Variants in AATF observed in about 807,000 individuals in gnomAD.
AATF encodes apoptosis antagonizing transcription factor.
In AATF, 48 loss-of-function variants were observed where a neutral mutation model predicts 63.7. The ratio of observed to expected loss-of-function variants is 0.75; its 90% confidence interval spans 0.60 to 0.96. AATF has a LOEUF of 0.96. AATF is among the 40% of genes least tolerant of loss of function. The pLI is 0.00. For missense variants in AATF, 639 were observed against 685.7 expected, an observed-to-expected ratio of 0.93 and a Z score of 0.76; for synonymous variants, 258 against 247.7, an observed-to-expected ratio of 1.04 and a Z score of -0.39.
intron 11 of AATF, chr17:37,052,823 A>C (rs1052714834): frequency 6.6e-6 from 1 of 152,220 alleles, no homozygotes; most frequent in South Asian, 2.1e-4. Flanking sequence ...GGGTACAGAG[A>C]TTGAGAAAGC....
intron 8 of AATF, among the ~76,000 whole-genome samples, chr17:36,994,510 A>T (rs964953212): frequency 6.6e-6 from 1 of 152,214 alleles, no homozygotes; most frequent in African/African-American, 2.4e-5. Context: ...TATGAGAGAA[A>T]CTGTTCATCT....
chr17:36,998,504 T>A (rs2071271399), intron 8 of AATF: 1 of 152,240 alleles, frequency 6.6e-6, no homozygotes, highest in African/African-American at 2.4e-5. Flanking sequence ...CAAATCTATA[T>A]CTGTTTAGGA....
Position 36,986,704 on chromosome 17 carries a change from T to G in AATF, c.920T>G (p.Val307Gly), listed in dbSNP as rs141862092. The G allele has an allele frequency of 1.1e-5, 18 of 1,614,106 alleles. No homozygotes were observed. The African/African-American group carries it at 2.0e-4, about 18-fold the overall frequency. ...CAGTACCCAGACACTAGATATCTAG[T>G]AGATGGGACAAAGCCCAATGCGGGA... ...LFQYPDTRYL[V>G]DGTKPNAGSE... is the part of the protein sequence containing the mutation. Residue 307 changes from valine to glycine, a missense_variant, in exon 5 of 12, where the codon GTA becomes GGA. Val to Gly is a moderately radical substitution (Grantham distance 109). Coordinates refer to ENST00000619387, the MANE Select transcript of AATF (RefSeq NM_012138.4).
intron 8 of AATF, among the ~76,000 whole-genome samples, chr17:36,997,757 A>C (rs564800428): frequency 6.6e-6 from 1 of 152,358 alleles, no homozygotes; most frequent in African/African-American, 2.4e-5. Context: ...TCATTATTTG[A>C]AAAAGATACT....
intron 11 of AATF, chr17:37,034,700 G>C (rs987125798): frequency 6.6e-6 from 1 of 151,940 alleles, no homozygotes; most frequent in Non-Finnish European, 1.5e-5. Flanking sequence ...AAGTTAATAG[G>C]TAAATGATGA....
rs1291013748 is a variant in AATF, at chr17:37,019,059, G to C, written c.1453G>C (p.Val485Leu). Reference protein sequence around the residue: ...KTSSLDPNDQVAMGRQWLAIQ... With the variant: ...KTSSLDPNDQLAMGRQWLAIQ... Reference sequence around the variant, plus strand: ...CAGCTCCTTGGATCCCAACGATCAGGTGGCCATGGGAAGGTAATTTAGATA... The same window carrying C: ...CAGCTCCTTGGATCCCAACGATCAGCTGGCCATGGGAAGGTAATTTAGATA... The change falls in exon 9 of 12, where the codon GTG becomes CTG. Residue 485 changes from valine to leucine, a missense_variant. Physicochemically the swap from Val to Leu is conservative, Grantham distance 32. Transcript: ENST00000619387. The C allele has an allele frequency of 6.2e-7, 1 of 1,613,974 alleles. No homozygotes were observed. The highest frequency in any genetic ancestry group is 1.3e-5 in the African/African-American group (1 of 74,926).
At chr17:36,968,212 G>A (rs1214164375) in intron 4 of AATF, among the ~76,000 whole-genome samples, 2 of 121,796 alleles carry the variant, frequency 1.6e-5, no homozygotes, top group African/African-American at 6.4e-5. Flanking sequence ...ACTTTCTATT[G>A]AGTTTTTAAA....
intron 4 of AATF, among the ~76,000 whole-genome samples, chr17:36,971,461 T>C (rs1025720342): frequency 3.9e-5 from 6 of 152,234 alleles, no homozygotes; most frequent in Admixed American, 2.6e-4. Context: ...CTTTCATACA[T>C]TGCTGATGGG....
intron 4 of AATF, among the ~76,000 whole-genome samples, chr17:36,983,155 C>T (rs1384914158): frequency 1.3e-5 from 2 of 152,092 alleles, no homozygotes; most frequent in Non-Finnish European, 1.5e-5. Context: ...GATCCTCCCA[C>T]CTCAGCCTCC....
chr17:37,028,952 AAT>A (rs146684070), intron 10 of AATF, among the ~76,000 whole-genome samples: 1 of 151,174 alleles, frequency 6.6e-6, no homozygotes, highest in Admixed American at 6.6e-5. Flanking sequence ...AAATTGTGTG[AAT>A]ATATATATAT....
intron 4 of AATF, among the ~76,000 whole-genome samples, chr17:36,983,741 A>G (rs1308003923): frequency 6.6e-6 from 1 of 152,212 alleles, no homozygotes; most frequent in African/African-American, 2.4e-5. Flanking sequence ...GTTATGTATT[A>G]CAAATTCTCC....
chr17:36,981,495 G>A (rs2071123368), intron 4 of AATF, among the ~76,000 whole-genome samples: 1 of 151,000 alleles, frequency 6.6e-6, no homozygotes, highest in South Asian at 2.1e-4. Context: ...CCGGACTTGA[G>A]TGCAGTGGGA....
At chr17:36,980,714 G>A (rs1340902417) in intron 4 of AATF, among the ~76,000 whole-genome samples, 1 of 151,928 alleles carries the variant, frequency 6.6e-6, no homozygotes, top group Non-Finnish European at 1.5e-5. Flanking sequence ...CCTCACTCTT[G>A]TCAGCTCTGG....
intron 11 of AATF, 75 bp from the exon 12 acceptor site, chr17:37,056,526 T>C (rs1283164300): frequency 6.7e-7 from 1 of 1,494,176 alleles, no homozygotes; most frequent in Non-Finnish European, 9.3e-7. Context: ...TGGGGTATTT[T>C]CCAGCTTCTG....
intron 4 of AATF, among the ~76,000 whole-genome samples, chr17:36,973,539 G>T (rs1004646904): frequency 3.9e-5 from 6 of 152,196 alleles, no homozygotes; most frequent in Non-Finnish European, 7.3e-5. Context: ...ATATGGAGAT[G>T]AATTTGTTAT....
In AATF at chr17:36,952,875, C is replaced by T. The variant is rs2070866421; in HGVS notation, c.284-11C>T. On this transcript the variant is annotated splice_polypyrimidine_tract_variant and intron_variant, in intron 2 of 11. Coordinates refer to ENST00000619387, the MANE Select transcript of AATF (RefSeq NM_012138.4). ...ACCCATTTTTCTCTTTCTTCCCTCT[C>T]TTCTTTGTAGATGAGGAAATATCTG... is the stretch of plus-strand genomic sequence containing the variant. 1.2e-6 allele frequency: 2 copies of T among 1,607,628 alleles called. No individual in the cohort carries two copies. Among genetic ancestry groups the T allele is most frequent in the South Asian group, 2.2e-5 (2 of 90,894 alleles).
At chr17:37,041,197 C>G (rs2071636970) in intron 11 of AATF, among the ~76,000 whole-genome samples, 1 of 152,064 alleles carries the variant, frequency 6.6e-6, no homozygotes, top group African/African-American at 2.4e-5. Flanking sequence ...TTCAGATTAA[C>G]TTATAAGCAT....
intron 8 of AATF, among the ~76,000 whole-genome samples, chr17:37,000,833 C>T (rs1013492853): frequency 3.9e-5 from 6 of 152,072 alleles, no homozygotes; most frequent in African/African-American, 1.4e-4. Flanking sequence ...TTCCAGGTTG[C>T]ATGTAAAGAA....
At chr17:36,973,603 G>C (rs1287733158) in intron 4 of AATF, among the ~76,000 whole-genome samples, 1 of 152,188 alleles carries the variant, frequency 6.6e-6, no homozygotes, top group Non-Finnish European at 1.5e-5. Flanking sequence ...TTTTTCTAAA[G>C]ATGCTATTTC....
Sources: gnomAD v4.1 joint callset for allele counts (sites outside exome capture counted in the v4.1 genomes callset) on GRCh38, gnomAD v4.1.1 for gene constraint, MANE v1.5 for transcripts, NCBI Gene and HGNC (gene_info 2026-07-23, HGNC 2026-07-21) for gene names.